The following PCDHGB2 variants were observed in gnomAD, a reference collection of about 807,000 sequenced individuals.
The protein encoded by PCDHGB2 is protocadherin gamma-B2.
Under a neutral mutation model 59.3 loss-of-function variants are expected in PCDHGB2, and 55 were observed. The observed-to-expected ratio is 0.93, with a 90% confidence interval of 0.75 to 1.16. The LOEUF is 1.16. PCDHGB2 is among the 50% of genes most tolerant of loss of function. The probability of loss-of-function intolerance (pLI) is 0.00; values close to 1 mark genes in which losing one functional copy is unlikely to be tolerated. For synonymous variants in PCDHGB2, 516 were observed against 512.0 expected (o/e 1.01, Z -0.11); for missense variants, 1,228 against 1,198.5 (o/e 1.02, Z -0.36).
Position 141,491,383 on chromosome 5 carries a change from A to C in PCDHGB2, c.2422-3424A>C. The C allele has an allele frequency of 6.2e-7, 1 of 1,614,036 alleles. No individual in the cohort carries two copies. The highest frequency in any genetic ancestry group is 8.5e-7 in the Non-Finnish European group (1 of 1,179,962). ...AGTCACCTTCACCTTTCTGTCAGCG[A>C]AGTGCCTTCAGGGAAACGCAGACGG... On this transcript the variant is annotated intron_variant, in intron 1 of 3. Transcript: ENST00000522605. This position sits in a 1 kb window ranked among gnomAD's most constrained non-coding sequence, Gnocchi z 6.9.
At position 141,394,009 on chromosome 5, in the gene PCDHGB2, G is replaced by C. The variant is rs1554094356; in HGVS notation, c.2421+31453G>C. The C allele has an allele frequency of 1.2e-6, 2 of 1,613,394 alleles. No homozygotes were observed. Among genetic ancestry groups the C allele is most frequent in the Admixed American group, 3.3e-5 (2 of 59,950 alleles). On this transcript the variant is annotated intron_variant, in intron 1 of 3. Coordinates refer to ENST00000522605, the MANE Select transcript of PCDHGB2 (RefSeq NM_018923.3). ...CCTTTTAAATTAGAAAAGTCAATAG[G>C]TAATTATTATAGATTAGTGACAAGG... is the stretch of plus-strand genomic sequence containing the variant.
chr5:141,473,382 C>A (rs780229708), intron 1 of PCDHGB2, among the ~76,000 whole-genome samples: 12 of 152,190 alleles, frequency 7.9e-5, no homozygotes, highest in Non-Finnish European at 1.8e-4. Context: ...TGGTCCCTGC[C>A]CTCCTGGAGC....
intron 1 of PCDHGB2, chr5:141,417,840 A>G (rs2096168680): frequency 2.0e-6 from 3 of 1,536,422 alleles, no homozygotes; most frequent in African/African-American, 2.8e-5. Context: ...GCGGGGACCC[A>G]GCGAGAACCC....
chr5:141,412,416 G>A (rs897228706), intron 1 of PCDHGB2: 1 of 152,162 alleles, frequency 6.6e-6, no homozygotes, highest in Non-Finnish European at 1.5e-5. Flanking sequence ...GATAAAGTAT[G>A]TTTTACACAA....
At chr5:141,408,563 G>T (rs1266893654) in intron 1 of PCDHGB2, 1 of 1,614,040 alleles carries the variant, frequency 6.2e-7, no homozygotes, top group South Asian at 1.1e-5. Flanking sequence ...TCATGTCATT[G>T]TGGTGATTGA....
At position 141,476,001 on chromosome 5, in the gene PCDHGB2, C is replaced by G; in HGVS notation, c.2422-18806C>G. The G allele has an allele frequency of 8.1e-7, 1 of 1,235,348 alleles. No homozygotes were observed. Among genetic ancestry groups the G allele is most frequent in the Non-Finnish European group, 1.1e-6 (1 of 894,008 alleles). 76.5% of individuals were successfully genotyped at this position (1,235,348 alleles called of 1,614,324 possible). On this transcript the variant is annotated intron_variant, in intron 1 of 3. Transcript: ENST00000522605. The surrounding 1 kb of genome is among the most constrained non-coding windows in gnomAD (Gnocchi z 7.6). ...CAGCCGGCGAGCAAATCAACGGCATCCAGAAAGCCATGTCGGACTCGGCGC... is the reference window on the plus strand; with the variant it reads ...CAGCCGGCGAGCAAATCAACGGCATGCAGAAAGCCATGTCGGACTCGGCGC...
Position 141,415,037 on chromosome 5 carries a change from T to G in PCDHGB2, c.2421+52481T>G, listed in dbSNP as rs775779136. The G allele has an allele frequency of 5.0e-6, 8 of 1,613,384 alleles. No homozygotes were observed. In the Admixed American group the frequency reaches 8.3e-5, roughly 17 times the overall value. ...CTCAAGGCCAGCGAGCCGGGACTCT[T>G]CGCGGTGGGGGAGCACACGGGCGAG... is the stretch of plus-strand genomic sequence containing the variant. On this transcript the variant is annotated intron_variant, in intron 1 of 3. Coordinates refer to ENST00000522605, the MANE Select transcript of PCDHGB2 (RefSeq NM_018923.3).
At chr5:141,373,775 C>A in intron 1 of PCDHGB2, 1 of 265,272 alleles carries the variant, frequency 3.8e-6, no homozygotes, top group Non-Finnish European at 7.0e-6. Flanking sequence ...GTCATCTCTG[C>A]AGATTTAGCA....
chr5:141,478,358 C>G, intron 1 of PCDHGB2: 1 of 1,613,738 alleles, frequency 6.2e-7, no homozygotes, highest in South Asian at 1.1e-5. Flanking sequence ...GGACGCCGTG[C>G]GGGGAGGCCT....
In PCDHGB2 at chr5:141,511,007, G is replaced by C. The variant is rs780918754; in HGVS notation, c.2630G>C (p.Arg877Pro). Residue 877 changes from arginine to proline, a missense_variant, in exon 4 of 4, where the codon CGC (arginine) becomes CCC (proline). Physicochemically the swap from Arg to Pro is moderately radical, Grantham distance 103. Coordinates refer to ENST00000522605, the MANE Select transcript of PCDHGB2 (RefSeq NM_018923.3). Reference protein sequence around the residue: ...GGAGTMGLSARYGPQFTLQHV... With the variant: ...GGAGTMGLSAPYGPQFTLQHV... ...GCCGGCACCATGGGATTGAGCGCCC[G>C]CTACGGACCCCAGTTCACCCTGCAG... The C allele has an allele frequency of 1.9e-6, 3 of 1,614,042 alleles. No homozygotes were observed. The highest frequency in any genetic ancestry group is 2.7e-5 in the African/African-American group (2 of 74,910).
intron 1 of PCDHGB2, among the ~76,000 whole-genome samples, chr5:141,449,636 TA>T (rs1448731592): frequency 7.3e-5 from 11 of 150,610 alleles, no homozygotes; most frequent in Non-Finnish European, 1.2e-4. Flanking sequence ...AAGATGTATC[TA>T]TATATACATA....
intron 1 of PCDHGB2, among the ~76,000 whole-genome samples, chr5:141,425,382 G>A (rs1455106607): frequency 1.3e-5 from 2 of 152,208 alleles, no homozygotes; most frequent in African/African-American, 4.8e-5. Context: ...TTGATTCGGA[G>A]GTAGTGATAA....
chr5:141,400,102 G>A (rs376189143), intron 1 of PCDHGB2: 2 of 1,614,084 alleles, frequency 1.2e-6, no homozygotes, highest in Non-Finnish European at 1.7e-6. Context: ...GCTGCACTTG[G>A]TCTTTGCTGA....
rs138745923 is a variant in PCDHGB2, at chr5:141,420,954, A to C, written c.2421+58398A>C. On this transcript the variant is annotated intron_variant, in intron 1 of 3. Transcript: ENST00000522605. ...GTAATCATTTCTTCTGGAATTTCTTAGTCGTTGCAATAATAAGAATGGGCT... is the reference window on the plus strand; with the variant it reads ...GTAATCATTTCTTCTGGAATTTCTTCGTCGTTGCAATAATAAGAATGGGCT... 3.9e-3 allele frequency: 1,621 copies of C among 412,482 alleles called. 10 individuals are homozygous for C. The highest frequency in any genetic ancestry group is 0.01 in the Admixed American group (249 of 24,550). The allele number at this position is 412,482 out of a possible 1,614,324, so 25.6% of individuals were successfully genotyped here.
At chr5:141,417,897 C>T (rs2096182334) in intron 1 of PCDHGB2, 1 of 1,578,084 alleles carries the variant, frequency 6.3e-7, no homozygotes, top group African/African-American at 1.4e-5. Context: ...CGGGCCGGCC[C>T]GCGGCAGGTA....
At chr5:141,494,965 C>T in intron 2 of PCDHGB2, 100 bp downstream of exon 2, 1 of 1,592,636 alleles carries the variant, frequency 6.3e-7, no homozygotes, top group Non-Finnish European at 8.6e-7. Context: ...CTACAGATGG[C>T]TTCTCCCTCA....
chr5:141,420,846 T>C (rs2096528755), intron 1 of PCDHGB2, among the ~76,000 whole-genome samples: 1 of 152,252 alleles, frequency 6.6e-6, no homozygotes, highest in Non-Finnish European at 1.5e-5. Context: ...GTGTTCTTGG[T>C]AAAGTTTTAA....
rs776348214 is a variant in PCDHGB2 at position 141,487,781 on chromosome 5, G to A, written c.2422-7026G>A. 108 of 1,526,850 alleles carry A rather than the reference G, an allele frequency of 7.1e-5. No individual in the cohort carries two copies. Among genetic ancestry groups the A allele is most frequent in the East Asian group, 3.7e-4 (15 of 40,622 alleles). 94.6% of individuals were successfully genotyped at this position (1,526,850 alleles called of 1,614,324 possible). On this transcript the variant is annotated intron_variant, in intron 1 of 3. Coordinates refer to ENST00000522605, the MANE Select transcript of PCDHGB2 (RefSeq NM_018923.3). This position sits in a 1 kb window ranked among gnomAD's most constrained non-coding sequence, Gnocchi z 5.0. ...AGACGCTGTGCTTTGTAACTGTTTC[G>A]TGAATTAACCAGAGTTGTCACAGTT... is the stretch of plus-strand genomic sequence containing the variant.
chr5:141,413,140 A>T (rs2095607783), intron 1 of PCDHGB2: 1 of 1,563,150 alleles, frequency 6.4e-7, no homozygotes, highest in Non-Finnish European at 8.7e-7. Flanking sequence ...CAACGTGTCC[A>T]GTGAGGACTT....
Sources: allele counts gnomAD v4.1 joint callset (sites outside exome capture counted in the v4.1 genomes callset), GRCh38; gene constraint gnomAD v4.1.1; non-coding constraint Gnocchi (gnomAD v3.1); transcripts MANE v1.5; gene names NCBI Gene and HGNC (gene_info 2026-07-23, HGNC 2026-07-21).